HECW1: variants seen among roughly 807,000 people sequenced by gnomAD.
HECW1 encodes the protein HECT, C2 and WW domain containing E3 ubiquitin protein ligase 1.
Under a neutral mutation model 182.3 loss-of-function variants are expected in HECW1, and 61 were observed. The ratio of observed to expected loss-of-function variants is 0.33; its 90% CI spans 0.27 to 0.41. The LOEUF (loss-of-function observed/expected upper bound fraction) is 0.41, where lower values mean the gene tolerates loss of function less well. HECW1 is among the 10% of genes least tolerant of loss of function. The pLI is 1.00. For synonymous variants in HECW1, 859 were observed against 832.6 expected, an observed-to-expected ratio of 1.03 and a Z score of -0.55; for missense variants, 1,739 against 2,108.9, an observed-to-expected ratio of 0.82 and a Z score of 3.44.
At chr7:43,283,581 C>G (rs1185220486) in intron 3 of HECW1, among the ~76,000 whole-genome samples, 2 of 152,076 alleles carry the variant, frequency 1.3e-5, no homozygotes, top group Non-Finnish European at 2.9e-5. Context: ...TAGATATAAG[C>G]CACATAAATA....
chr7:43,113,287 G>C (rs1784779296), intron 1 of HECW1, among the ~76,000 whole-genome samples: 5 of 152,184 alleles, frequency 3.3e-5, no homozygotes, highest in Admixed American at 3.3e-4. Flanking sequence ...TCAGGGGAGG[G>C]GGCGGAGAGA....
rs1193989862 is a variant in HECW1, at chr7:43,256,232, T to C, written c.27+12300T>C. ...AAATGTGAAAAGTGAGTATGTGGGT[T>C]TTGAAACTGTGTTTGTCATTGAAGA... On this transcript the variant is annotated intron_variant, in intron 3 of 29. Coordinates refer to ENST00000395891, the MANE Select transcript of HECW1 (RefSeq NM_015052.5). Among the ~76,000 whole-genome samples, 3 of 152,206 alleles carry C rather than the reference T, an allele frequency of 2.0e-5. No individual in the cohort carries two copies. In the East Asian group the frequency reaches 5.8e-4, roughly 29 times the overall value.
chr7:43,162,440 G>A (rs1024647731), intron 2 of HECW1, among the ~76,000 whole-genome samples: 2 of 152,180 alleles, frequency 1.3e-5, no homozygotes, highest in African/African-American at 4.8e-5. Context: ...CATCTCCATG[G>A]TCTGCCTCCT....
At chr7:43,523,063 G>T (rs1305373756) in intron 24 of HECW1, 2 of 443,266 alleles carry the variant, frequency 4.5e-6, no homozygotes, top group African/African-American at 4.0e-5. Context: ...GAGTGCAATG[G>T]TGCGATCTTG....
intron 6 of HECW1, among the ~76,000 whole-genome samples, chr7:43,381,559 G>A (rs996964833): frequency 6.7e-5 from 10 of 148,686 alleles, no homozygotes; most frequent in African/African-American, 1.7e-4. Context: ...TGCGATATCC[G>A]CTCACTGCAA....
intron 3 of HECW1, among the ~76,000 whole-genome samples, chr7:43,279,553 G>C (rs897563833): frequency 6.6e-6 from 1 of 151,980 alleles, no homozygotes; most frequent in African/African-American, 2.4e-5. Context: ...TTAGTTCCTT[G>C]AACCTGTTGG....
At chr7:43,189,786 T>C (rs564258186) in intron 2 of HECW1, among the ~76,000 whole-genome samples, 1 of 152,340 alleles carries the variant, frequency 6.6e-6, no homozygotes, top group African/African-American at 2.4e-5. Context: ...AACAAGACTC[T>C]TGGCAATTAA....
intron 13 of HECW1, among the ~76,000 whole-genome samples, chr7:43,460,337 C>A (rs1396323200): frequency 6.6e-6 from 1 of 152,214 alleles, no homozygotes; most frequent in Non-Finnish European, 1.5e-5. Context: ...TATTTTGATG[C>A]CACTTACATT....
chr7:43,184,484 A>G (rs1793181153), intron 2 of HECW1, among the ~76,000 whole-genome samples: 1 of 152,166 alleles, frequency 6.6e-6, no homozygotes, highest in Non-Finnish European at 1.5e-5. Context: ...AAATCCTTGG[A>G]ATCTCTGGAA....
chr7:43,545,837 G>T (rs1436100851), intron 26 of HECW1, among the ~76,000 whole-genome samples: 3 of 72,994 alleles, frequency 4.1e-5, no homozygotes, highest in African/African-American at 1.3e-4. Context: ...GAGGTGGAAG[G>T]GGGGCAGGAG....
intron 5 of HECW1, among the ~76,000 whole-genome samples, chr7:43,322,078 C>CT (rs924771722): frequency 1.2e-4 from 19 of 152,114 alleles, no homozygotes; most frequent in East Asian, 5.8e-4. Flanking sequence ...AATTTCTTTT[C>CT]TTTTTTTTGA....
intron 6 of HECW1, among the ~76,000 whole-genome samples, chr7:43,387,891 G>C (rs1451867384): frequency 6.6e-6 from 1 of 152,200 alleles, no homozygotes; most frequent in Non-Finnish European, 1.5e-5. Flanking sequence ...TAATTCTTAA[G>C]ATAGAAGTCA....
intron 2 of HECW1, among the ~76,000 whole-genome samples, chr7:43,139,551 A>G (rs900260298): frequency 6.6e-6 from 1 of 152,016 alleles, no homozygotes; most frequent in African/African-American, 2.4e-5. Context: ...GTATTTTAGC[A>G]TTGTTTTAAC....
At chr7:43,461,100 A>G (rs1426225886) in intron 13 of HECW1, among the ~76,000 whole-genome samples, 1 of 152,262 alleles carries the variant, frequency 6.6e-6, no homozygotes, top group Non-Finnish European at 1.5e-5. Context: ...GTAGTGGCAT[A>G]AAACAACCAC....
chr7:43,216,017 A>G (rs1562687013), intron 2 of HECW1, among the ~76,000 whole-genome samples: 1 of 152,186 alleles, frequency 6.6e-6, no homozygotes, highest in African/African-American at 2.4e-5. Flanking sequence ...AGTTTATGGA[A>G]GTAGTCTCTG....
At chr7:43,387,633 A>G (rs2074851752) in intron 6 of HECW1, among the ~76,000 whole-genome samples, 1 of 152,222 alleles carries the variant, frequency 6.6e-6, no homozygotes, top group Non-Finnish European at 1.5e-5. Flanking sequence ...TTAGACACAG[A>G]CCAATGCTTT....
intron 2 of HECW1, among the ~76,000 whole-genome samples, chr7:43,165,480 A>C (rs1175338457): frequency 6.6e-6 from 1 of 152,194 alleles, no homozygotes; most frequent in African/African-American, 2.4e-5. Flanking sequence ...AAGGTCATTA[A>C]TAACAATTCA....
chr7:43,324,773 C>T (rs2152784618), intron 5 of HECW1, among the ~76,000 whole-genome samples: 1 of 152,276 alleles, frequency 6.6e-6, no homozygotes, highest in Middle Eastern at 3.4e-3. Flanking sequence ...AACAGAAGCT[C>T]ATTCTTTCTA....
rs542259290 is a variant in HECW1, at chr7:43,280,831, C to T, written c.28-30932C>T. ...AACTATATCCTCAGGTGGACAATAA[C>T]ACTCTTGCTCACTAGGAGCAAATGG... On this transcript the variant is annotated intron_variant, in intron 3 of 29. Transcript: ENST00000395891. Among the ~76,000 whole-genome samples the T allele has an allele frequency of 1.2e-4, 19 of 152,238 alleles. No homozygotes were observed. The East Asian group carries it at 2.9e-3, about 23-fold the overall frequency.
Sources: allele counts gnomAD v4.1 joint callset (sites outside exome capture counted in the v4.1 genomes callset), GRCh38; gene constraint gnomAD v4.1.1; transcripts MANE v1.5; gene names NCBI Gene and HGNC (gene_info 2026-07-23, HGNC 2026-07-21).